NUP107: variants seen among roughly 807,000 people sequenced by gnomAD.
NUP107 encodes the protein nuclear pore complex protein Nup107.
A neutral mutation model predicts 141.0 loss-of-function variants in NUP107; 101 were observed. That is an observed-to-expected ratio of 0.72 (90% CI 0.61 to 0.84). The LOEUF (loss-of-function observed/expected upper bound fraction) is 0.84. Among genes scored for constraint, NUP107 ranks in the 40% least tolerant of loss-of-function variants. The pLI, the probability that NUP107 is intolerant of heterozygous loss-of-function variation, is 0.00. For missense variants in NUP107, 941 were observed against 1,102.7 expected (o/e 0.85, Z 2.08); for synonymous variants, 319 against 363.9 (o/e 0.88, Z 1.41).
At chr12:68,727,450 G>A (rs913132237) in intron 20 of NUP107, 61 bp downstream of exon 20, 15 of 903,780 alleles carry the variant, frequency 1.7e-5, no homozygotes, top group Admixed American at 1.4e-4. Flanking sequence ...ACAAAACTCA[G>A]AATGATGCTA....
At chr12:68,738,104 GTC>G (rs776045453) in intron 26 of NUP107, among the ~76,000 whole-genome samples, 13 of 152,114 alleles carry the variant, frequency 8.5e-5, no homozygotes, top group Admixed American at 4.6e-4. Flanking sequence ...GTGAAACCCT[GTC>G]TCTACTAAAA....
intron 7 of NUP107, among the ~76,000 whole-genome samples, chr12:68,702,057 C>T (rs1263448192): frequency 6.6e-6 from 1 of 151,440 alleles, no homozygotes; most frequent in East Asian, 2.0e-4. Flanking sequence ...GGTGTGATCT[C>T]GGCTCACTGC....
intron 5 of NUP107, among the ~76,000 whole-genome samples, chr12:68,693,537 C>CT (rs1170479776): frequency 6.6e-6 from 1 of 152,168 alleles, no homozygotes; most frequent in Non-Finnish European, 1.5e-5. Context: ...GCCTAGATGT[C>CT]TGAGTTAAAG....
chr12:68,700,588 A>T (rs1302835581), intron 6 of NUP107, 138 bp from the exon 7 acceptor site: 1 of 488,808 alleles, frequency 2.0e-6, no homozygotes, highest in African/African-American at 2.0e-5. Flanking sequence ...TTTAATTTAA[A>T]AAGACAAAAT....
chr12:68,707,836 C>CAAAGTG, intron 8 of NUP107, among the ~76,000 whole-genome samples: 1 of 152,162 alleles, frequency 6.6e-6, no homozygotes, highest in East Asian at 1.9e-4. Flanking sequence ...GTGGCTCATG[C>CAAAGTG]CTGCGATCCC....
intron 6 of NUP107, among the ~76,000 whole-genome samples, chr12:68,698,548 C>T (rs1876178766): frequency 6.6e-6 from 1 of 152,190 alleles, no homozygotes; most frequent in Non-Finnish European, 1.5e-5. Flanking sequence ...ACCAAGATAT[C>T]CTTCAGTGGG....
chr12:68,703,437 T>TTACG (rs1418306924), intron 8 of NUP107, among the ~76,000 whole-genome samples: 1 of 152,060 alleles, frequency 6.6e-6, no homozygotes, highest in Non-Finnish European at 1.5e-5. Flanking sequence ...CATTTATACA[T>TTACG]TATACTGAGA....
intron 1 of NUP107, among the ~76,000 whole-genome samples, chr12:68,688,736 T>C (rs1875625763): frequency 6.6e-6 from 1 of 152,192 alleles, no homozygotes; most frequent in African/African-American, 2.4e-5. Flanking sequence ...TAGTGAGTAC[T>C]AGAAAGTCAG....
chr12:68,702,796 A>C lies in NUP107; in HGVS notation c.729+12A>C. The C allele has an allele frequency of 2.1e-6, 3 of 1,448,404 alleles. No individual in the cohort carries two copies. The highest frequency in any genetic ancestry group is 2.8e-6 in the Non-Finnish European group (3 of 1,062,186). The allele number at this position is 1,448,404 out of a possible 1,614,324, so 89.7% of individuals were successfully genotyped here. ...TATTCGCAGTTACTGTAAGTTTTAT[A>C]TTAATTTTTTCTTTTATAAATACAT... On this transcript the variant is annotated intron_variant, in intron 8 of 27. Coordinates refer to ENST00000229179, the MANE Select transcript of NUP107 (RefSeq NM_020401.4).
intron 25 of NUP107, 85 bp from the exon 26 acceptor site, chr12:68,735,146 A>C: frequency 1.1e-6 from 1 of 917,398 alleles, no homozygotes; most frequent in South Asian, 1.4e-5. Flanking sequence ...ATGATGTTCT[A>C]TATGTATGTT....
At chr12:68,728,203 C>T (rs1051202349) in intron 20 of NUP107, among the ~76,000 whole-genome samples, 7 of 149,404 alleles carry the variant, frequency 4.7e-5, no homozygotes, top group South Asian at 2.1e-4. Flanking sequence ...GCAGGAAGAT[C>T]GAGTGAGCCC....
At position 68,721,919 on chromosome 12, in the gene NUP107, G is replaced by C; in HGVS notation, c.1390G>C (p.Glu464Gln). Reference sequence around the variant, plus strand: ...GATGGTGGACAGTCTGGTAGAACAGGAGATCCAGACATCAGTAGCAACTCT... The same window carrying C: ...GATGGTGGACAGTCTGGTAGAACAGCAGATCCAGACATCAGTAGCAACTCT... Reference protein sequence around the residue: ...RVMVDSLVEQEIQTSVATLDE... With the variant: ...RVMVDSLVEQQIQTSVATLDE... The change falls in exon 16 of 28, where the codon GAG becomes CAG. Residue 464 changes from glutamate to glutamine, a missense_variant. Glu to Gln is a conservative substitution (Grantham distance 29, BLOSUM62 2). Transcript: ENST00000229179. 6.2e-7 allele frequency: 1 copy of C among 1,613,986 alleles called. No individual in the cohort carries two copies. Among genetic ancestry groups the C allele is most frequent in the Non-Finnish European group, 8.5e-7 (1 of 1,179,864 alleles).
Position 68,734,120 on chromosome 12 carries a change from A to G in NUP107, c.2262+508A>G, listed in dbSNP as rs556059901. Among the ~76,000 whole-genome samples, 12 of 152,234 alleles carry G rather than the reference A, an allele frequency of 7.9e-5. No individual in the cohort carries two copies. The South Asian group carries it at 2.1e-3, about 26-fold the overall frequency. On this transcript the variant is annotated intron_variant, in intron 24 of 27. Transcript: ENST00000229179. Reference sequence around the variant, plus strand: ...ACCCCTGCATCTCTACAAAAAAATAAAACAAAATTAGCCAGGCATGGTAGC... The same window carrying G: ...ACCCCTGCATCTCTACAAAAAAATAGAACAAAATTAGCCAGGCATGGTAGC...
At chr12:68,709,888 C>CAAA in intron 9 of NUP107, 117 bp from the exon 10 acceptor site, 18 of 490,598 alleles carry the variant, frequency 3.7e-5, no homozygotes, top group Non-Finnish European at 4.6e-5. Flanking sequence ...GACTCTTTCT[C>CAAA]AAAAAAAAAA....
chr12:68,703,101 C>A (rs931199485), intron 8 of NUP107, among the ~76,000 whole-genome samples: 1 of 152,062 alleles, frequency 6.6e-6, no homozygotes, highest in Non-Finnish European at 1.5e-5. Context: ...CCACCTTGGC[C>A]GCCCAAAGTG....
chr12:68,731,043 A>T, intron 20 of NUP107, 67 bp from the exon 21 acceptor site: 1 of 1,073,770 alleles, frequency 9.3e-7, no homozygotes. Flanking sequence ...TCCTGAATAC[A>T]TTTGAAATTT....
rs369941559 is a variant in NUP107 at position 68,742,372 on chromosome 12, G to A, written c.2688G>A (p.Glu896=). The A allele has an allele frequency of 1.8e-5, 29 of 1,608,230 alleles. No individual in the cohort carries two copies. The highest frequency in any genetic ancestry group is 2.1e-5 in the Non-Finnish European group (25 of 1,175,646). The change falls in exon 28 of 28, where the codon GAG becomes GAA. Residue 896 remains glutamate (E), a synonymous_variant. Coordinates refer to ENST00000229179, the MANE Select transcript of NUP107 (RefSeq NM_020401.4). The stretch of plus-strand genomic sequence containing the variant: ...AAAATCAGGTATTTTCTAAGGAAGA[G>A]CTAAGGAAGTTGCTGCAGAAGCTCA... ...HKLYLVFSKE[E]LRKLLQKLRE... is the part of the protein sequence containing the mutation.
intron 8 of NUP107, among the ~76,000 whole-genome samples, chr12:68,707,235 C>G (rs1319068954): frequency 2.6e-5 from 4 of 152,166 alleles, no homozygotes; most frequent in Non-Finnish European, 5.9e-5. Context: ...TTGCCCATGC[C>G]TACAGCTACA....
chr12:68,708,267 T>TA (rs1390565982), intron 8 of NUP107, among the ~76,000 whole-genome samples: 1 of 152,076 alleles, frequency 6.6e-6, no homozygotes. Context: ...GATATATATA[T>TA]TTTTTACATC....
Sources: gnomAD v4.1 joint callset for allele counts (sites outside exome capture counted in the v4.1 genomes callset) on GRCh38, gnomAD v4.1.1 for gene constraint, MANE v1.5 for transcripts, NCBI Gene and HGNC (gene_info 2026-07-23, HGNC 2026-07-21) for gene names.